The following ZC3HAV1 variants were observed in gnomAD, a reference collection of about 807,000 sequenced individuals.
The protein encoded by ZC3HAV1 is zinc finger CCCH-type containing, antiviral 1.
A neutral mutation model predicts 86.6 loss-of-function variants in ZC3HAV1; 41 were observed. The ratio of observed to expected loss-of-function variants is 0.47; its 90% CI spans 0.37 to 0.61. The LOEUF (loss-of-function observed/expected upper bound fraction) is 0.61. Among genes scored for constraint, ZC3HAV1 ranks in the 20% least tolerant of loss-of-function variants. The probability of loss-of-function intolerance (pLI) is 0.00; values close to 1 mark genes in which losing one functional copy is unlikely to be tolerated. For synonymous variants in ZC3HAV1, 421 were observed against 432.1 expected, an observed-to-expected ratio of 0.97 and a Z score of 0.32; for missense variants, 964 against 1,141.1, an observed-to-expected ratio of 0.84 and a Z score of 2.24.
In ZC3HAV1 at chr7:139,101,685, A is replaced by T. The variant is rs1057101434; in HGVS notation, c.308+7339T>A. 2.7e-5 allele frequency among the ~76,000 whole-genome samples: 4 copies of T among 150,886 alleles called. No homozygotes were observed. In the South Asian group the frequency reaches 8.4e-4, roughly 32 times the overall value. On this transcript the variant is annotated intron_variant, in intron 1 of 12. Transcript: ENST00000242351. ...CTAAGAAAAATTCTTCTGCCTTGGG[A>T]TGCTGTTGATCTATGACCTTACCCC...
intron 9 of ZC3HAV1, among the ~76,000 whole-genome samples, chr7:139,059,189 C>A (rs1816376947): frequency 6.6e-6 from 1 of 152,192 alleles, no homozygotes; most frequent in African/African-American, 2.4e-5. Context: ...TTTCCCCCAC[C>A]TAACATTTGT....
intron 6 of ZC3HAV1, among the ~76,000 whole-genome samples, chr7:139,075,335 CCTTATAAAACTGGGATGTTT>C (rs1344581933): frequency 6.6e-6 from 1 of 152,176 alleles, no homozygotes; most frequent in Non-Finnish European, 1.5e-5. Flanking sequence ...TTAAGAATTT[CCTTATAAAACTGGGATGTTT>C]CTTATATCCC....
At chr7:139,063,978 A>G (rs1395764534) in intron 8 of ZC3HAV1, among the ~76,000 whole-genome samples, 1 of 152,206 alleles carries the variant, frequency 6.6e-6, no homozygotes, top group East Asian at 1.9e-4. Context: ...CTTTATGCCT[A>G]TAGCTTTTCT....
At chr7:139,076,222 A>C (rs535805042) in intron 6 of ZC3HAV1, 64 bp downstream of exon 6, 12 of 1,608,372 alleles carry the variant, frequency 7.5e-6, no homozygotes, top group Middle Eastern at 1.7e-4. Context: ...CCCTGAGCCT[A>C]GCACTAATGC....
rs551302731 is a variant in ZC3HAV1 at position 139,083,846 on chromosome 7, C to G, written c.631G>C (p.Val211Leu). The G allele has an allele frequency of 6.2e-7, 1 of 1,613,966 alleles. No homozygotes were observed. Among genetic ancestry groups the G allele is most frequent in the African/African-American group, 1.3e-5 (1 of 74,878 alleles). The change falls in exon 3 of 13, where the codon GTG (valine) becomes CTG (leucine). Residue 211 changes from valine (V) to leucine (L), a missense_variant. Coordinates refer to ENST00000242351, the MANE Select transcript of ZC3HAV1 (RefSeq NM_020119.4). ...CAGATGTCCTGGATGTTCTGGACCA[C>G]GTCGGGGTTCAGCCCGTGCTCCCTC... ...IMREHGLNPD[V>L]VQNIQDICNS...
At chr7:139,059,137 G>A (rs1019558713) in intron 9 of ZC3HAV1, among the ~76,000 whole-genome samples, 7 of 152,136 alleles carry the variant, frequency 4.6e-5, no homozygotes, top group Non-Finnish European at 8.8e-5. Context: ...TCATTCATTG[G>A]CTGAATGTGA....
At chr7:139,086,304 T>A (rs1316535265) in intron 2 of ZC3HAV1, among the ~76,000 whole-genome samples, 1 of 152,188 alleles carries the variant, frequency 6.6e-6, no homozygotes, top group Non-Finnish European at 1.5e-5. Flanking sequence ...CAGGAAATAA[T>A]GCAGTCCCCC....
At position 139,089,693 on chromosome 7, in the gene ZC3HAV1, T is replaced by G; in HGVS notation, c.375A>C (p.Glu125Asp). ...EENFKVLKNH[E>D]LSGLNKEELA... ...ATTCCTCTTTGTTCAGTCCAGAGAGTTCGTGATTTTTCAGGACTTTGAAGT... is the reference window on the plus strand; with the variant it reads ...ATTCCTCTTTGTTCAGTCCAGAGAGGTCGTGATTTTTCAGGACTTTGAAGT... Residue 125 changes from glutamate (E) to aspartate (D), a missense_variant, in exon 2 of 13, where the codon GAA becomes GAC. Transcript: ENST00000242351. 1 of 1,612,946 alleles carries G rather than the reference T, an allele frequency of 6.2e-7. No homozygotes were observed. Among genetic ancestry groups the G allele is most frequent in the Non-Finnish European group, 8.5e-7 (1 of 1,179,568 alleles).
In ZC3HAV1 at chr7:139,109,658, C is replaced by T. The variant is rs1818052027; in HGVS notation, c.-327G>A. 7.6e-6 allele frequency: 2 copies of T among 262,172 alleles called. No individual in the cohort carries two copies. Among genetic ancestry groups the T allele is most frequent in the Admixed American group, 5.4e-5 (1 of 18,654 alleles). 16.2% of individuals were successfully genotyped at this position (262,172 alleles called of 1,614,324 possible). A position where few individuals can be genotyped will look rare whatever the true frequency, so the allele number is the denominator to read the frequency against. On this transcript the variant is annotated 5_prime_UTR_variant, in exon 1 of 13. Coordinates refer to ENST00000242351, the MANE Select transcript of ZC3HAV1 (RefSeq NM_020119.4). ...GGCCCCCTCTCGGTTCTAGGCTCGG[C>T]GAGGGTGAGGTTCTCCAGCCGGGCT...
At chr7:139,075,367 G>GATAAATA in intron 6 of ZC3HAV1, among the ~76,000 whole-genome samples, 1 of 152,114 alleles carries the variant, frequency 6.6e-6, no homozygotes, top group Non-Finnish European at 1.5e-5. Flanking sequence ...TTATATCCCT[G>GATAAATA]CACACCATAG....
At position 139,088,838 on chromosome 7, in the gene ZC3HAV1, C is replaced by T. The variant is rs546041486; in HGVS notation, c.444+786G>A. Among the ~76,000 whole-genome samples, 4 of 152,210 alleles carry T rather than the reference C, an allele frequency of 2.6e-5. No individual in the cohort carries two copies. In the South Asian group the frequency reaches 8.3e-4, roughly 32 times the overall value. Reference sequence around the variant, plus strand: ...TAAAAACAGGCCGGGTATGGTGGCTCACACCTGTAATCCCAGAACTTTGGG... The same window carrying T: ...TAAAAACAGGCCGGGTATGGTGGCTTACACCTGTAATCCCAGAACTTTGGG... On this transcript the variant is annotated intron_variant, in intron 2 of 12. Transcript: ENST00000242351.
chr7:139,052,773 A>AAC (rs575270786), intron 12 of ZC3HAV1, among the ~76,000 whole-genome samples: 3,002 of 101,488 alleles, frequency 0.03, 41 homozygotes, highest in Non-Finnish European at 0.044. Context: ...AATACAACAA[A>AAC]AAAAAATTAG....
chr7:139,065,894 T>C (rs1331274880), intron 7 of ZC3HAV1, among the ~76,000 whole-genome samples: 1 of 151,912 alleles, frequency 6.6e-6, no homozygotes, highest in Non-Finnish European at 1.5e-5. Flanking sequence ...AGCAAGACTC[T>C]GTCAAAAAAA....
chr7:139,063,192 T>A (rs1816499671), intron 8 of ZC3HAV1, among the ~76,000 whole-genome samples: 1 of 152,044 alleles, frequency 6.6e-6, no homozygotes, highest in African/African-American at 2.4e-5. Context: ...ACAAAGTCTA[T>A]TGGCTCTCAT....
intron 4 of ZC3HAV1, 157 bp downstream of exon 4, chr7:139,079,309 AGTAC>A (rs71169076): frequency 2.5e-4 from 389 of 1,539,922 alleles, no homozygotes; most frequent in Non-Finnish European, 3.2e-4. Flanking sequence ...TCTGACTTCC[AGTAC>A]GTAACATATC....
intron 4 of ZC3HAV1, chr7:139,079,099 C>T: frequency 6.5e-7 from 1 of 1,536,002 alleles, no homozygotes; most frequent in Non-Finnish European, 8.7e-7. Context: ...CCTTCAGTGA[C>T]TTACACTGAG....
chr7:139,084,827 AT>A (rs1817230423), intron 2 of ZC3HAV1, among the ~76,000 whole-genome samples: 2 of 152,252 alleles, frequency 1.3e-5, no homozygotes, highest in Non-Finnish European at 2.9e-5. Context: ...GGAAACCAAT[AT>A]AATTAGTAAG....
chr7:139,050,221 T>G (rs1816083630), intron 12 of ZC3HAV1, among the ~76,000 whole-genome samples: 2 of 152,276 alleles, frequency 1.3e-5, no homozygotes, highest in South Asian at 4.1e-4. Flanking sequence ...CTTTTTAGTT[T>G]GATGCTATCT....
At chr7:139,071,251 C>G (rs566956819) in intron 7 of ZC3HAV1, among the ~76,000 whole-genome samples, 13 of 152,052 alleles carry the variant, frequency 8.5e-5, no homozygotes, top group African/African-American at 2.4e-4. Flanking sequence ...TGCACGCCAC[C>G]AAGCCCAGCT....
Sources: gnomAD v4.1 joint callset for allele counts (sites outside exome capture counted in the v4.1 genomes callset) on GRCh38, gnomAD v4.1.1 for gene constraint, MANE v1.5 for transcripts, NCBI Gene and HGNC (gene_info 2026-07-23, HGNC 2026-07-21) for gene names.